NEGR1: variants seen among roughly 807,000 people sequenced by gnomAD.
NEGR1 encodes IgLON family member 4.
In NEGR1, 10 loss-of-function variants were observed where a neutral mutation model predicts 40.9. The observed-to-expected ratio is 0.24, with a 90% CI of 0.15 to 0.42. The LOEUF (loss-of-function observed/expected upper bound fraction) is 0.42. Among genes scored for constraint, NEGR1 ranks in the 10% least tolerant of loss-of-function variants. The pLI, the probability that NEGR1 is intolerant of heterozygous loss-of-function variation, is 1.00. For synonymous variants in NEGR1, 185 were observed against 166.8 expected (o/e 1.11, Z -0.84); for missense variants, 352 against 438.9 (o/e 0.80, Z 1.77).
At chr1:71,846,726 G>T (rs1333158910) in intron 2 of NEGR1, among the ~76,000 whole-genome samples, 1 of 152,154 alleles carries the variant, frequency 6.6e-6, no homozygotes, top group African/African-American at 2.4e-5. Context: ...AGTGGCAGCA[G>T]GCTCTGTGCC....
At chr1:71,688,325 T>TATAGATAGATAG (rs74193312) in intron 4 of NEGR1, among the ~76,000 whole-genome samples, 3 of 103,232 alleles carry the variant, frequency 2.9e-5, no homozygotes, top group East Asian at 2.7e-4. Context: ...TATATATATA[T>TATAGATAGATAG]ATAGATAGAT....
intron 1 of NEGR1, among the ~76,000 whole-genome samples, chr1:71,992,674 C>T (rs764707535): frequency 6.6e-5 from 8 of 121,330 alleles, no homozygotes; most frequent in African/African-American, 9.1e-5. Flanking sequence ...AACAGCTACA[C>T]TAAAAGTGTT....
chr1:71,559,034 TATATATATATAC>T (rs1366574900), intron 6 of NEGR1, among the ~76,000 whole-genome samples: 80 of 120,502 alleles, frequency 6.6e-4, no homozygotes, highest in African/African-American at 2.0e-3. Flanking sequence ...TATATATATA[TATATATATATAC>T]ACATATATAT....
chr1:71,631,597 C>T (rs1650971441), intron 4 of NEGR1, among the ~76,000 whole-genome samples: 1 of 151,606 alleles, frequency 6.6e-6, no homozygotes, highest in Non-Finnish European at 1.5e-5. Flanking sequence ...AAGGCTTTAC[C>T]AGTGGGTAAT....
At chr1:71,722,560 C>T (rs1654543927) in intron 3 of NEGR1, among the ~76,000 whole-genome samples, 1 of 151,870 alleles carries the variant, frequency 6.6e-6, no homozygotes, top group South Asian at 2.1e-4. Flanking sequence ...TGTGTAACAG[C>T]AAAAAACAAT....
At chr1:72,135,604 TC>T (rs745532425) in intron 1 of NEGR1, among the ~76,000 whole-genome samples, 69 of 152,094 alleles carry the variant, frequency 4.5e-4, no homozygotes, top group Non-Finnish European at 9.1e-4. Flanking sequence ...TCAGCAAACT[TC>T]CTTTATTGAG....
At chr1:71,715,816 C>G (rs182932294) in intron 3 of NEGR1, among the ~76,000 whole-genome samples, 1 of 152,208 alleles carries the variant, frequency 6.6e-6, no homozygotes, top group Non-Finnish European at 1.5e-5. Context: ...TTCAACAAAT[C>G]TCTAGGAAGT....
intron 3 of NEGR1, among the ~76,000 whole-genome samples, chr1:71,759,324 G>T (rs1402524936): frequency 2.2e-5 from 2 of 90,186 alleles, no homozygotes; most frequent in Admixed American, 1.9e-4. Context: ...TTGAGACATA[G>T]TCTCACTTTG....
chr1:72,105,892 A>G (rs143111615), intron 1 of NEGR1, among the ~76,000 whole-genome samples: 23 of 152,230 alleles, frequency 1.5e-4, no homozygotes, highest in African/African-American at 4.8e-4. Flanking sequence ...TGTTAAGTTT[A>G]CTGAGAGCAG....
chr1:72,175,857 C>T (rs957086175), intron 1 of NEGR1, among the ~76,000 whole-genome samples: 1 of 152,090 alleles, frequency 6.6e-6, no homozygotes, highest in African/African-American at 2.4e-5. Flanking sequence ...AACTCCACAG[C>T]TTAAACTAGC....
Position 72,162,482 on chromosome 1 carries a change from A to C in NEGR1, c.176+119837T>G, listed in dbSNP as rs184420489. On this transcript the variant is annotated intron_variant, in intron 1 of 6. Coordinates refer to ENST00000357731, the MANE Select transcript of NEGR1 (RefSeq NM_173808.3). ...CAAACAAACAAACAAACAAACAAAC[A>C]AAAGAAAAACAAACAAAGCAAAATA... Among the ~76,000 whole-genome samples, 380 of 152,110 alleles carry C rather than the reference A, an allele frequency of 2.5e-3. 5 individuals carry two copies. The highest frequency in any genetic ancestry group is 8.8e-3 in the African/African-American group (364 of 41,534).
intron 6 of NEGR1, among the ~76,000 whole-genome samples, chr1:71,581,801 C>A (rs1649145248): frequency 6.6e-6 from 1 of 151,410 alleles, no homozygotes; most frequent in Non-Finnish European, 1.5e-5. Flanking sequence ...CTTCTGGGCT[C>A]AAGTGATCCT....
intron 2 of NEGR1, among the ~76,000 whole-genome samples, chr1:71,855,325 A>T (rs1184799143): frequency 1.3e-5 from 2 of 152,074 alleles, no homozygotes; most frequent in African/African-American, 4.8e-5. Flanking sequence ...CAGTGAGATT[A>T]TTTGGAAGAC....
At chr1:71,445,312 A>T (rs996094305) in intron 6 of NEGR1, among the ~76,000 whole-genome samples, 3 of 151,768 alleles carry the variant, frequency 2.0e-5, no homozygotes, top group African/African-American at 7.3e-5. Flanking sequence ...TTTTTTTTAA[A>T]AAAAAAATAG....
chr1:71,616,441 C>T (rs1383056350), intron 4 of NEGR1, among the ~76,000 whole-genome samples: 1 of 152,194 alleles, frequency 6.6e-6, no homozygotes, highest in Non-Finnish European at 1.5e-5. Flanking sequence ...GTGTTGCTAG[C>T]ACTGGGGAGT....
At chr1:72,212,323 A>C (rs909630179) in intron 1 of NEGR1, among the ~76,000 whole-genome samples, 2 of 151,804 alleles carry the variant, frequency 1.3e-5, no homozygotes, top group Non-Finnish European at 2.9e-5. Context: ...CTTTGTAATC[A>C]TTTTTTCTGT....
At chr1:71,558,788 G>A (rs200811410) in intron 6 of NEGR1, among the ~76,000 whole-genome samples, 2 of 142,526 alleles carry the variant, frequency 1.4e-5, no homozygotes, top group African/African-American at 2.6e-5. Flanking sequence ...GGCTCATCTC[G>A]AAGTTTCCCT....
intron 3 of NEGR1, among the ~76,000 whole-genome samples, chr1:71,734,924 C>T (rs1216351628): frequency 1.3e-5 from 2 of 151,902 alleles, no homozygotes; most frequent in South Asian, 2.1e-4. Context: ...TTTTCCCCTC[C>T]ATTTCCATTT....
At chr1:72,082,586 G>C (rs934945926) in intron 1 of NEGR1, among the ~76,000 whole-genome samples, 4 of 151,698 alleles carry the variant, frequency 2.6e-5, no homozygotes, top group Non-Finnish European at 5.9e-5. Context: ...CTGATATTTT[G>C]TTTCTTCAGC....
Sources: allele counts gnomAD v4.1 joint callset (sites outside exome capture counted in the v4.1 genomes callset), GRCh38; gene constraint gnomAD v4.1.1; transcripts MANE v1.5; gene names NCBI Gene and HGNC (gene_info 2026-07-23, HGNC 2026-07-21).